SIRPG: variants seen among roughly 807,000 people sequenced by gnomAD.
SIRPG encodes signal regulatory protein gamma.
SIRPG carries 38 observed loss-of-function variants against 35.7 expected under a neutral mutation model. The observed-to-expected ratio is 1.06, with a 90% CI of 0.82 to 1.40. SIRPG has a LOEUF of 1.40. Ranked by LOEUF, SIRPG falls within the 40% of genes most tolerant of loss-of-function variation. The probability of loss-of-function intolerance (pLI) is 0.00; values close to 1 mark genes in which losing one functional copy is unlikely to be tolerated. For synonymous variants in SIRPG, 215 were observed against 190.4 expected, an observed-to-expected ratio of 1.13 and a Z score of -1.06; for missense variants, 519 against 483.0, an observed-to-expected ratio of 1.07 and a Z score of -0.70.
the SIRPG span, among the ~76,000 whole-genome samples, chr20:1,680,862 A>C: frequency 1.3e-5 from 2 of 152,308 alleles, no homozygotes; most frequent in Non-Finnish European, 2.9e-5. Flanking sequence ...TTTACTATTC[A>C]CTGTCTAATT....
upstream of SIRPG, among the ~76,000 whole-genome samples, chr20:1,659,058 G>C (rs951705293): frequency 6.6e-6 from 1 of 152,190 alleles, no homozygotes. Context: ...TAGAGCTATG[G>C]TAGGAATAAT....
chr20:1,682,516 C>G, the SIRPG span, among the ~76,000 whole-genome samples: 1 of 152,116 alleles, frequency 6.6e-6, no homozygotes, highest in South Asian at 2.1e-4. Context: ...GATTGTTCCT[C>G]AACATAATAA....
chr20:1,650,181 T>G (rs1403212430), intron 1 of SIRPG, among the ~76,000 whole-genome samples: 1 of 151,770 alleles, frequency 6.6e-6, no homozygotes, highest in Non-Finnish European at 1.5e-5. Context: ...CATCTTCCTA[T>G]CACTCTAATG....
At chr20:1,680,438 C>A in the SIRPG span, among the ~76,000 whole-genome samples, 1 of 152,148 alleles carries the variant, frequency 6.6e-6, no homozygotes, top group Admixed American at 6.5e-5. Context: ...TGATATGAAG[C>A]GCATTGGAAA....
the SIRPG span, among the ~76,000 whole-genome samples, chr20:1,674,067 G>A: frequency 6.6e-6 from 1 of 152,200 alleles, no homozygotes; most frequent in Admixed American, 6.5e-5. Context: ...AAAAGCTGCT[G>A]TCAATGCTCA....
In SIRPG at chr20:1,649,420, C is replaced by T; in HGVS notation, c.74-12G>A. On this transcript the variant is annotated splice_polypyrimidine_tract_variant and intron_variant, in intron 1 of 5. Coordinates refer to ENST00000303415, the MANE Select transcript of SIRPG (RefSeq NM_018556.4). ...CTCACCTGCCACTTCTGAAAAGGAG[C>T]ACAAAGCAATCATTTTTTCATCCTT... The T allele has an allele frequency of 6.3e-7, 1 of 1,584,844 alleles. No homozygotes were observed. Among genetic ancestry groups the T allele is most frequent in the Non-Finnish European group, 8.6e-7 (1 of 1,164,436 alleles).
chr20:1,644,944 C>A (rs960818092), intron 2 of SIRPG, among the ~76,000 whole-genome samples: 14 of 152,162 alleles, frequency 9.2e-5, no homozygotes, highest in African/African-American at 2.9e-4. Context: ...TTTTTTGGTT[C>A]TTTTCCATGG....
intron 5 of SIRPG, among the ~76,000 whole-genome samples, chr20:1,629,896 A>G (rs2091734917): frequency 1.3e-5 from 2 of 152,144 alleles, no homozygotes; most frequent in Non-Finnish European, 2.9e-5. Context: ...TTAGTTTACA[A>G]TGTGGATTTC....
At chr20:1,659,862 G>A (rs1362595446), upstream of SIRPG, among the ~76,000 whole-genome samples, 1 of 152,200 alleles carries the variant, frequency 6.6e-6, no homozygotes, top group Non-Finnish European at 1.5e-5. Flanking sequence ...ACGAGGCCCT[G>A]ACAACCCATG....
chr20:1,683,011 C>A, the SIRPG span, among the ~76,000 whole-genome samples: 4 of 152,070 alleles, frequency 2.6e-5, no homozygotes, highest in Admixed American at 2.6e-4. Context: ...GATAAGGAGT[C>A]AATACACAAA....
At chr20:1,684,084 G>A in the SIRPG span, among the ~76,000 whole-genome samples, 1 of 152,104 alleles carries the variant, frequency 6.6e-6, no homozygotes, top group Admixed American at 6.5e-5. Context: ...AGAGAAATAA[G>A]TTTAAGAGAT....
chr20:1,653,487 A>G (rs1447975137), intron 1 of SIRPG, among the ~76,000 whole-genome samples: 1 of 152,226 alleles, frequency 6.6e-6, no homozygotes, highest in Non-Finnish European at 1.5e-5. Flanking sequence ...GGATAAGGGT[A>G]TGGATATGGA....
chr20:1,629,875 G>A (rs897867460), intron 5 of SIRPG, among the ~76,000 whole-genome samples: 1 of 152,102 alleles, frequency 6.6e-6, no homozygotes, highest in Non-Finnish European at 1.5e-5. Flanking sequence ...TCCCATTTGG[G>A]TTTCTCAACA....
upstream of SIRPG, among the ~76,000 whole-genome samples, chr20:1,661,049 A>G (rs1214712250): frequency 6.6e-6 from 1 of 152,208 alleles, no homozygotes; most frequent in Non-Finnish European, 1.5e-5. Context: ...ACTTAATACT[A>G]TCTGACCATG....
chr20:1,655,897 T>TACATGC (rs905252623), intron 1 of SIRPG, among the ~76,000 whole-genome samples: 10 of 152,128 alleles, frequency 6.6e-5, no homozygotes, highest in Admixed American at 2.0e-4. Flanking sequence ...CATGTACATG[T>TACATGC]ACATGCATAG....
the SIRPG span, among the ~76,000 whole-genome samples, chr20:1,686,148 T>C: frequency 4.6e-5 from 7 of 152,216 alleles, no homozygotes; most frequent in Non-Finnish European, 7.3e-5. Flanking sequence ...TTCCATCCCT[T>C]GGTAGCCAGC....
chr20:1,685,553 T>C, the SIRPG span, among the ~76,000 whole-genome samples: 2 of 152,076 alleles, frequency 1.3e-5, no homozygotes, highest in Non-Finnish European at 2.9e-5. Flanking sequence ...GCATTCAGCC[T>C]CCAAAAGTGC....
intron 4 of SIRPG, among the ~76,000 whole-genome samples, chr20:1,634,361 C>T (rs944173769): frequency 2.0e-5 from 3 of 151,856 alleles, no homozygotes; most frequent in Non-Finnish European, 4.4e-5. Context: ...CGCCCGCCAC[C>T]ACGCCCGGCT....
chr20:1,669,664 G>T, the SIRPG span, among the ~76,000 whole-genome samples: 72 of 152,218 alleles, frequency 4.7e-4, no homozygotes, highest in African/African-American at 1.7e-3. Flanking sequence ...GCAAAACACA[G>T]GACTCCATGA....
Sources: gnomAD v4.1 joint callset for allele counts (sites outside exome capture counted in the v4.1 genomes callset) on GRCh38, gnomAD v4.1.1 for gene constraint, MANE v1.5 for transcripts, NCBI Gene and HGNC (gene_info 2026-07-23, HGNC 2026-07-21) for gene names.